Variants in ICE1 observed in about 807,000 individuals in gnomAD.
ICE1 encodes the protein interactor of little elongation complex ELL subunit 1.
ICE1 carries 64 observed loss-of-function variants against 192.7 expected under a neutral mutation model. The ratio of observed to expected loss-of-function variants is 0.33; its 90% CI spans 0.27 to 0.41. The LOEUF (loss-of-function observed/expected upper bound fraction) is 0.41, where lower values mean the gene tolerates loss of function less well. Among genes scored for constraint, ICE1 ranks in the 10% least tolerant of loss-of-function variants. The pLI, the probability that ICE1 is intolerant of heterozygous loss-of-function variation, is 1.00. For missense variants in ICE1, 2,708 were observed against 2,696.0 expected, an observed-to-expected ratio of 1.00 and a Z score of -0.10; for synonymous variants, 1,010 against 984.5, an observed-to-expected ratio of 1.03 and a Z score of -0.49.
chr5:5,457,644 A>T lies in ICE1; in HGVS notation c.1004A>T (p.Asp335Val), dbSNP rs1253983709. 8.1e-6 allele frequency: 13 copies of T among 1,613,826 alleles called. No individual in the cohort carries two copies. Among genetic ancestry groups the T allele is most frequent in the Non-Finnish European group, 1.0e-5 (12 of 1,179,840 alleles). ...FFDEDLQAAI[D>V]FFKLPPPLLS... ...GATGAAGATCTTCAAGCTGCAATTGACTTCTTCAAACTTCCCCCTCCTCTT... is the reference window on the plus strand; with the variant it reads ...GATGAAGATCTTCAAGCTGCAATTGTCTTCTTCAAACTTCCCCCTCCTCTT... The change falls in exon 12 of 19, where the codon GAC (aspartate) becomes GTC (valine). Residue 335 changes from aspartate (D) to valine (V), a missense_variant. This residue lies in a region of ICE1 where 2,366 missense variants were observed against 2,276.6 expected (regional missense o/e 1.04). Coordinates refer to ENST00000296564, the MANE Select transcript of ICE1 (RefSeq NM_015325.3).
chr5:5,461,659 G>C lies in ICE1; in HGVS notation c.2325G>C (p.Gln775His). 2.5e-6 allele frequency: 4 copies of C among 1,613,782 alleles called. No homozygotes were observed. Among genetic ancestry groups the C allele is most frequent in the Non-Finnish European group, 3.4e-6 (4 of 1,179,814 alleles). ...ATTTCACATCATTAATAGGTTCTCA[G>C]GCTGCCTTGATCAAGAGTGGTTTGG... ...KPDFTSLIGS[Q>H]AALIKSGLGF... Residue 775 changes from glutamine to histidine, a missense_variant, in exon 13 of 19, where the codon CAG becomes CAC. By Grantham distance (24) the Gln-to-His change is conservative. This residue lies in a region of ICE1 where 2,366 missense variants were observed against 2,276.6 expected (regional missense o/e 1.04). Transcript: ENST00000296564.
intron 1 of ICE1, among the ~76,000 whole-genome samples, chr5:5,425,600 A>G (rs1239884222): frequency 6.6e-6 from 1 of 152,224 alleles, no homozygotes; most frequent in Non-Finnish European, 1.5e-5. Flanking sequence ...GTAGTTGTGC[A>G]AAGTGAGTCT....
intron 17 of ICE1, among the ~76,000 whole-genome samples, chr5:5,480,067 G>T (rs1276643231): frequency 6.6e-6 from 1 of 152,040 alleles, no homozygotes; most frequent in Non-Finnish European, 1.5e-5. Context: ...TGTACGTTCT[G>T]CATGTGTATT....
At chr5:5,428,526 C>T (rs1191204670) in intron 1 of ICE1, among the ~76,000 whole-genome samples, 3 of 152,144 alleles carry the variant, frequency 2.0e-5, no homozygotes, top group African/African-American at 7.2e-5. Flanking sequence ...ACAAATAACC[C>T]TGATGTTCTC....
intron 17 of ICE1, among the ~76,000 whole-genome samples, chr5:5,481,460 C>T (rs1739502497): frequency 6.6e-6 from 1 of 152,090 alleles, no homozygotes; most frequent in African/African-American, 2.4e-5. Context: ...GGTGTCTTCT[C>T]CAGTGTCTCT....
chr5:5,487,481 C>T (rs917412953), intron 18 of ICE1, among the ~76,000 whole-genome samples: 1 of 152,102 alleles, frequency 6.6e-6, no homozygotes, highest in Non-Finnish European at 1.5e-5. Context: ...GTATAACACC[C>T]AAGATGATCT....
chr5:5,436,399 G>C lies in ICE1; in HGVS notation c.85-19G>C. ...AAAGTAATTGATAAAAAAGCTGACT[G>C]TGGCTTTTTTTCTTTCAGAATTTGA... On this transcript the variant is annotated intron_variant, in intron 1 of 18. Transcript: ENST00000296564. 2.1e-6 allele frequency: 3 copies of C among 1,433,150 alleles called. No individual in the cohort carries two copies. Among genetic ancestry groups the C allele is most frequent in the Non-Finnish European group, 2.8e-6 (3 of 1,079,750 alleles). 88.8% of individuals were successfully genotyped at this position (1,433,150 alleles called of 1,614,324 possible).
chr5:5,460,990 G>C lies in ICE1; in HGVS notation c.1656G>C (p.Leu552Phe), dbSNP rs188665939. The change falls in exon 13 of 19, where the codon TTG becomes TTC. Residue 552 changes from leucine to phenylalanine, a missense_variant. Around this residue, in one of 2 missense-constraint regions of ICE1, gnomAD observed 2,366 missense variants for 2,276.6 expected, o/e 1.04. Coordinates refer to ENST00000296564, the MANE Select transcript of ICE1 (RefSeq NM_015325.3). Reference protein sequence around the residue: ...ELMESEGKTVLSKMMGSPKSE... With the variant: ...ELMESEGKTVFSKMMGSPKSE... The stretch of plus-strand genomic sequence containing the variant: ...TGGAATCTGAAGGAAAAACCGTATT[G>C]TCTAAAATGATGGGATCGCCCAAAT... 2 of 1,614,040 alleles carry C rather than the reference G, an allele frequency of 1.2e-6. No homozygotes were observed. Among genetic ancestry groups the C allele is most frequent in the South Asian group, 2.2e-5 (2 of 91,086 alleles).
intron 1 of ICE1, among the ~76,000 whole-genome samples, chr5:5,428,357 A>T (rs13163509): frequency 6.6e-6 from 1 of 152,184 alleles, no homozygotes; most frequent in Non-Finnish European, 1.5e-5. Flanking sequence ...CAGTTAGTAA[A>T]CAGCAAGCAC....
intron 3 of ICE1, among the ~76,000 whole-genome samples, chr5:5,438,220 CATT>C (rs1254075615): frequency 1.3e-5 from 2 of 152,202 alleles, no homozygotes; most frequent in Non-Finnish European, 2.9e-5. Context: ...GGAACTCACT[CATT>C]ATCAGGAGAA....
At chr5:5,468,587 A>G (rs1225442440) in intron 14 of ICE1, among the ~76,000 whole-genome samples, 1 of 152,232 alleles carries the variant, frequency 6.6e-6, no homozygotes, top group East Asian at 1.9e-4. Context: ...AACCTATGTA[A>G]TGCATAAAAA....
chr5:5,439,627 A>T (rs2111345603), intron 3 of ICE1, among the ~76,000 whole-genome samples: 1 of 152,312 alleles, frequency 6.6e-6, no homozygotes, highest in Admixed American at 6.5e-5. Flanking sequence ...TCTTTCTTTT[A>T]ATTCTGATCA....
chr5:5,445,409 T>A (rs1207088812), intron 7 of ICE1, among the ~76,000 whole-genome samples: 1 of 152,148 alleles, frequency 6.6e-6, no homozygotes, highest in Non-Finnish European at 1.5e-5. Context: ...TTTTTTTAAT[T>A]TTTAAACTTT....
At chr5:5,439,276 A>G (rs577482579) in intron 3 of ICE1, among the ~76,000 whole-genome samples, 5 of 152,288 alleles carry the variant, frequency 3.3e-5, no homozygotes, top group East Asian at 1.9e-4. Context: ...GAGGATGCAC[A>G]CGTTTTTATG....
intron 17 of ICE1, among the ~76,000 whole-genome samples, chr5:5,483,905 A>G (rs546802282): frequency 6.6e-6 from 1 of 152,248 alleles, no homozygotes; most frequent in Non-Finnish European, 1.5e-5. Context: ...TTCCTTTGCA[A>G]ACTTGCATCC....
rs1430731599 is a variant in ICE1, at chr5:5,452,733, G to C, written c.605-1819G>C. Among the ~76,000 whole-genome samples, 4 of 152,106 alleles carry C rather than the reference G, an allele frequency of 2.6e-5. No individual in the cohort carries two copies. The East Asian group carries it at 7.7e-4, about 29-fold the overall frequency. On this transcript the variant is annotated intron_variant, in intron 10 of 18. Coordinates refer to ENST00000296564, the MANE Select transcript of ICE1 (RefSeq NM_015325.3). Reference sequence around the variant, plus strand: ...CAGGAGAAAACTGAATAATGATTACGCTCTAACAGATATTCAGTAACCTAC... The same window carrying C: ...CAGGAGAAAACTGAATAATGATTACCCTCTAACAGATATTCAGTAACCTAC...
At position 5,457,392 on chromosome 5, in the gene ICE1, C is replaced by A; in HGVS notation, c.752C>A (p.Pro251Gln). Residue 251 changes from proline (P) to glutamine (Q), a missense_variant, in exon 12 of 19, where the codon CCA (proline) becomes CAA (glutamine). Around this residue, in one of 2 missense-constraint regions of ICE1, gnomAD observed 2,366 missense variants for 2,276.6 expected, o/e 1.04. Transcript: ENST00000296564. ...CCTGGGGAAGATGGTACGCTACCTC[C>A]AACACAGGGCAGCCCTCTCAGGACC... ...RVPGEDGTLP[P>Q]TQGSPLRTSN... 8.7e-6 allele frequency: 14 copies of A among 1,613,638 alleles called. No homozygotes were observed. The highest frequency in any genetic ancestry group is 1.2e-5 in the Non-Finnish European group (14 of 1,179,784).
chr5:5,448,028 A>G (rs866629317), intron 10 of ICE1, 131 bp downstream of exon 10: 2 of 641,642 alleles, frequency 3.1e-6, no homozygotes, highest in African/African-American at 1.8e-5. Flanking sequence ...TAGAAGTCAT[A>G]TATTATTGTG....
At chr5:5,433,621 GC>G (rs1213550561) in intron 1 of ICE1, among the ~76,000 whole-genome samples, 1 of 152,122 alleles carries the variant, frequency 6.6e-6, no homozygotes, top group African/African-American at 2.4e-5. Flanking sequence ...CACCCTCTCT[GC>G]CCAGAAATCT....
Sources: allele counts gnomAD v4.1 joint callset (sites outside exome capture counted in the v4.1 genomes callset), GRCh38; gene constraint gnomAD v4.1.1; regional missense constraint gnomAD v4.1.1; transcripts MANE v1.5; gene names NCBI Gene and HGNC (gene_info 2026-07-23, HGNC 2026-07-21).